PHYKPL: variants seen among roughly 807,000 people sequenced by gnomAD.
The protein encoded by PHYKPL is 5-phosphohydroxy-L-lysine phospho-lyase.
In PHYKPL, 42 loss-of-function variants were observed where a neutral mutation model predicts 51.3. The ratio of observed to expected loss-of-function variants is 0.82; its 90% CI spans 0.64 to 1.06. PHYKPL has a LOEUF of 1.06. Ranked by LOEUF, PHYKPL falls within the 50% of genes least tolerant of loss-of-function variation. PHYKPL has a pLI of 0.00. For missense variants in PHYKPL, 655 were observed against 586.6 expected, an observed-to-expected ratio of 1.12 and a Z score of -1.20; for synonymous variants, 264 against 236.0, an observed-to-expected ratio of 1.12 and a Z score of -1.09.
At chr5:178,220,939 A>T (rs1761056667) in intron 8 of PHYKPL, among the ~76,000 whole-genome samples, 1 of 152,190 alleles carries the variant, frequency 6.6e-6, no homozygotes. Flanking sequence ...AACTCAAATA[A>T]CAACTAAATA....
chr5:178,212,829 C>T, intron 11 of PHYKPL, 144 bp downstream of exon 11: 1 of 1,169,988 alleles, frequency 8.5e-7, no homozygotes, highest in Non-Finnish European at 1.2e-6. Context: ...CATGAAAGAC[C>T]CTCTCTTGCT....
chr5:178,210,335 G>A, intron 12 of PHYKPL: 3 of 1,606,680 alleles, frequency 1.9e-6, no homozygotes. Context: ...GCAGGACAGT[G>A]TAGGAGCCAC....
rs2913858 is a variant in PHYKPL, at chr5:178,232,777, G to A, written c.-227C>T. On this transcript the variant is annotated 5_prime_UTR_variant, in exon 1 of 13. Transcript: ENST00000308158. ...CGTGGTCGTGCCTTGGCAGTCCCGC[G>A]CAGGAACTCGAGCGCTGCCCCGTCT... 0.39 allele frequency: 151,366 copies of A among 387,512 alleles called. 32,127 individuals carry two copies. The highest frequency in any genetic ancestry group is 0.49 in the South Asian group (3,634 of 7,472). 24.0% of individuals were successfully genotyped at this position (387,512 alleles called of 1,614,324 possible).
intron 8 of PHYKPL, among the ~76,000 whole-genome samples, chr5:178,222,107 G>T (rs1442705237): frequency 6.6e-6 from 1 of 152,250 alleles, no homozygotes; most frequent in East Asian, 1.9e-4. Flanking sequence ...AAGGAAGACA[G>T]GGACTCCTAT....
At chr5:178,215,234 G>A in intron 9 of PHYKPL, 42 bp downstream of exon 9, 1 of 1,613,258 alleles carries the variant, frequency 6.2e-7, no homozygotes. Context: ...ACCACACTGG[G>A]CCTTGGCAGG....
In PHYKPL at chr5:178,232,786, C is replaced by T. The variant is rs923108046; in HGVS notation, c.-236G>A. On this transcript the variant is annotated 5_prime_UTR_variant, in exon 1 of 13. Coordinates refer to ENST00000308158, the MANE Select transcript of PHYKPL (RefSeq NM_153373.4). ...GCCTTGGCAGTCCCGCGCAGGAACT[C>T]GAGCGCTGCCCCGTCTCTGGTTCCG... 1 of 361,462 alleles carries T rather than the reference C, an allele frequency of 2.8e-6. No individual in the cohort carries two copies. Among genetic ancestry groups the T allele is most frequent in the Non-Finnish European group, 4.7e-6 (1 of 213,592 alleles). 22.4% of individuals were successfully genotyped at this position (361,462 alleles called of 1,614,324 possible). A position where few individuals can be genotyped will look rare whatever the true frequency, so the allele number is the denominator to read the frequency against.
At chr5:178,232,018 C>T (rs965404070) in intron 1 of PHYKPL, 5 of 1,202,400 alleles carry the variant, frequency 4.2e-6, no homozygotes, top group Non-Finnish European at 5.3e-6. Context: ...CACCGAGGGC[C>T]CCCTCACAGG....
rs771653858 is a variant in PHYKPL, at chr5:178,215,335, G to A, written c.1023C>T (p.Ser341=). Residue 341 remains serine, a synonymous_variant, in exon 9 of 13, where the codon AGC becomes AGT. Coordinates refer to ENST00000308158, the MANE Select transcript of PHYKPL (RefSeq NM_153373.4). ...GCTGCCCGAGGAGCTGCATCAGGAA[G>A]CTGCCTACACTGGTGGCATGATCCT... ...QLQDHATSVG[S]FLMQLLGQQK... 11 of 1,613,934 alleles carry A rather than the reference G, an allele frequency of 6.8e-6. No individual in the cohort carries two copies. Among genetic ancestry groups the A allele is most frequent in the Non-Finnish European group, 9.3e-6 (11 of 1,179,996 alleles).
At chr5:178,220,088 G>A (rs547031434) in intron 8 of PHYKPL, among the ~76,000 whole-genome samples, 35 of 151,460 alleles carry the variant, frequency 2.3e-4, no homozygotes, top group East Asian at 2.0e-4. Flanking sequence ...CCAGGTACTT[G>A]GCAGGCTGAA....
At chr5:178,207,237 C>T (rs766538367), downstream of PHYKPL, 16 of 1,613,574 alleles carry the variant, frequency 9.9e-6, no homozygotes, top group African/African-American at 1.3e-5. Context: ...TAAGGTGTTC[C>T]CAGCTCTGCT....
intron 10 of PHYKPL, 130 bp from the exon 11 acceptor site, chr5:178,213,233 A>G: frequency 8.1e-7 from 1 of 1,240,634 alleles, no homozygotes; most frequent in Non-Finnish European, 1.1e-6. Context: ...AGGTCATTTT[A>G]CTGGTCACCT....
At chr5:178,214,966 GT>G in intron 9 of PHYKPL, 81 bp from the exon 10 acceptor site, 1 of 1,334,200 alleles carries the variant, frequency 7.5e-7, no homozygotes, top group African/African-American at 1.5e-5. Flanking sequence ...GCTCCTACCT[GT>G]GCCTCCTGAG....
In PHYKPL at chr5:178,214,887, T is replaced by C. The variant is rs1174270245; in HGVS notation, c.1083-2A>G. The C allele has an allele frequency of 1.2e-6, 2 of 1,613,234 alleles. No homozygotes were observed. Among genetic ancestry groups the C allele is most frequent in the Admixed American group, 1.7e-5 (1 of 59,980 alleles). On this transcript the variant is annotated splice_acceptor_variant, in intron 9 of 12. Transcript: ENST00000308158. LOFTEE classifies it high-confidence loss of function. ...ACACCAATGAAGAGCCCAACACCCCTGCAAGGGAAGGTGACGACATCTCAG... is the reference window on the plus strand; with the variant it reads ...ACACCAATGAAGAGCCCAACACCCCCGCAAGGGAAGGTGACGACATCTCAG...
chr5:178,232,274 G>A (rs1477512724), intron 1 of PHYKPL: 39 of 1,240,150 alleles, frequency 3.1e-5, no homozygotes, highest in Non-Finnish European at 3.9e-5. Flanking sequence ...CGCTGTCGGG[G>A]AGGCGGCCCC....
At chr5:178,226,599 T>G (rs1273044179) in intron 3 of PHYKPL, 1 of 152,218 alleles carries the variant, frequency 6.6e-6, no homozygotes, top group Non-Finnish European at 1.5e-5. Context: ...CCTCTGTATG[T>G]TCAGTTATCT....
At chr5:178,207,933 T>C (rs112810836), downstream of PHYKPL, among the ~76,000 whole-genome samples, 113 of 152,260 alleles carry the variant, frequency 7.4e-4, no homozygotes, top group African/African-American at 2.6e-3. Context: ...TGCCTTGGCC[T>C]TGTAAAGTGT....
chr5:178,223,368 C>CT lies in PHYKPL; in HGVS notation c.619-435dup, dbSNP rs1761600633. ...TTCTTCCTTGGACTCCTGCAGAGGT[C>CT]TTCTAACTGAATGCCTTTTCCAGTC... On this transcript the variant is annotated intron_variant, in intron 6 of 12. Transcript: ENST00000308158. The CT allele has an allele frequency of 8.8e-6, 4 of 457,002 alleles. No homozygotes were observed. In the Admixed American group the frequency reaches 9.4e-5, roughly 11 times the overall value. The allele number at this position is 457,002 out of a possible 1,614,324, so 28.3% of individuals were successfully genotyped here.
intron 8 of PHYKPL, among the ~76,000 whole-genome samples, chr5:178,218,209 T>G (rs1238036028): frequency 1.4e-5 from 1 of 72,836 alleles, no homozygotes; most frequent in Non-Finnish European, 2.3e-5. Context: ...AGAGCGAAAC[T>G]CCGTCTCAAA....
chr5:178,222,821 T>G (rs563601843), intron 7 of PHYKPL, 31 bp downstream of exon 7: 2 of 1,610,584 alleles, frequency 1.2e-6, no homozygotes, highest in South Asian at 2.2e-5. Context: ...ACCCCTGCCC[T>G]CCCTAGAGCA....
Sources: allele counts gnomAD v4.1 joint callset (sites outside exome capture counted in the v4.1 genomes callset), GRCh38; gene constraint gnomAD v4.1.1; transcripts MANE v1.5; gene names NCBI Gene and HGNC (gene_info 2026-07-23, HGNC 2026-07-21).